Variants in ANK3 observed in about 807,000 individuals in gnomAD.
ANK3 encodes the protein ankyrin-3.
In ANK3, 57 loss-of-function variants were observed where a neutral mutation model predicts 370.9. That is an observed-to-expected ratio of 0.15 (90% CI 0.12 to 0.19). The LOEUF (loss-of-function observed/expected upper bound fraction) is 0.19. Ranked by LOEUF, ANK3 falls within the 10% of genes least tolerant of loss-of-function variation. The probability of loss-of-function intolerance (pLI) is 1.00; values close to 1 mark genes in which losing one functional copy is unlikely to be tolerated. For synonymous variants in ANK3, 1,929 were observed against 1,946.3 expected, an observed-to-expected ratio of 0.99 and a Z score of 0.23; for missense variants, 4,439 against 5,302.1, an observed-to-expected ratio of 0.84 and a Z score of 5.06.
intron 11 of ANK3, among the ~76,000 whole-genome samples, chr10:60,205,293 T>A (rs982178960): frequency 1.3e-5 from 2 of 152,316 alleles, no homozygotes; most frequent in Admixed American, 6.5e-5. Flanking sequence ...GTGCAGGGTT[T>A]CTCAACCTCA....
intron 43 of ANK3, among the ~76,000 whole-genome samples, chr10:60,036,890 A>AC (rs1290734516): frequency 6.6e-6 from 1 of 152,134 alleles, no homozygotes; most frequent in East Asian, 1.9e-4. Context: ...TTTTATATGC[A>AC]CAGCCCCAAC....
chr10:60,417,142 C>G (rs915090949), intron 2 of ANK3, among the ~76,000 whole-genome samples: 3 of 152,156 alleles, frequency 2.0e-5, no homozygotes, highest in Admixed American at 6.6e-5. Context: ...CTGCACAGTG[C>G]TGAACTGACA....
At chr10:60,399,191 C>T (rs1018440078) in intron 2 of ANK3, among the ~76,000 whole-genome samples, 4 of 152,004 alleles carry the variant, frequency 2.6e-5, no homozygotes, top group African/African-American at 7.3e-5. Context: ...ATTAAAAAAA[C>T]TAAACTTGGA....
At chr10:60,338,530 AG>A (rs142182950) in intron 1 of ANK3, among the ~76,000 whole-genome samples, 336 of 152,278 alleles carry the variant, frequency 2.2e-3, no homozygotes, top group African/African-American at 7.8e-3. Flanking sequence ...AGAATGCAGA[AG>A]GTCAACAGCA....
At chr10:60,711,394 AAAT>A (rs2079704519) in intron 1 of ANK3, among the ~76,000 whole-genome samples, 1 of 151,640 alleles carries the variant, frequency 6.6e-6, no homozygotes, top group Non-Finnish European at 1.5e-5. Flanking sequence ...ATAAATAAAT[AAAT>A]AAATAAAAAT....
At chr10:60,387,160 C>CA (rs554734732) in intron 1 of ANK3, among the ~76,000 whole-genome samples, 13,487 of 139,750 alleles carry the variant, frequency 0.097, 745 homozygotes, top group South Asian at 0.15. Flanking sequence ...GACTCCATCT[C>CA]AAAAAAAAAA....
intron 14 of ANK3, among the ~76,000 whole-genome samples, chr10:60,197,014 T>G (rs2096597324): frequency 6.6e-6 from 1 of 152,120 alleles, no homozygotes; most frequent in African/African-American, 2.4e-5. Context: ...AAGAATAAGT[T>G]ATAGGGTCCC....
chr10:60,107,119 TGATA>T (rs1424568373), intron 27 of ANK3, among the ~76,000 whole-genome samples: 2 of 152,176 alleles, frequency 1.3e-5, no homozygotes, highest in African/African-American at 4.8e-5. Context: ...CAAACGGGGA[TGATA>T]AATATGGTCA....
At position 60,678,288 on chromosome 10, in the gene ANK3, G is replaced by A. The variant is rs996647469; in HGVS notation, c.57+54975C>T. Among the ~76,000 whole-genome samples, 8 of 152,212 alleles carry A rather than the reference G, an allele frequency of 5.3e-5. No homozygotes were observed. The East Asian group carries it at 7.7e-4, about 15-fold the overall frequency. ...TGTCAGCTTAGTAAAATAGGTTATC[G>A]TATGCTGACTGTTGTATTGGCTTTA... On this transcript the variant is annotated intron_variant, in intron 1 of 43. Coordinates refer to the ANK3 transcript ENST00000373827.
chr10:60,064,754 T>C (rs959732287), intron 38 of ANK3, among the ~76,000 whole-genome samples: 3 of 152,132 alleles, frequency 2.0e-5, no homozygotes, highest in Non-Finnish European at 4.4e-5. Flanking sequence ...TGGTCCCAGC[T>C]ACTCAGGAGG....
chr10:60,525,873 T>A (rs1489780386), intron 2 of ANK3, among the ~76,000 whole-genome samples: 1 of 152,120 alleles, frequency 6.6e-6, no homozygotes, highest in African/African-American at 2.4e-5. Flanking sequence ...TCTGCGCAGA[T>A]GTGAAAGCTC....
At chr10:60,227,355 A>C (rs2097179104) in intron 8 of ANK3, among the ~76,000 whole-genome samples, 1 of 151,730 alleles carries the variant, frequency 6.6e-6, no homozygotes, top group Non-Finnish European at 1.5e-5. Flanking sequence ...TGGCTACTTA[A>C]ATTTTTTTCT....
intron 25 of ANK3, among the ~76,000 whole-genome samples, chr10:60,125,405 T>C (rs1360450115): frequency 6.6e-6 from 1 of 152,198 alleles, no homozygotes; most frequent in Non-Finnish European, 1.5e-5. Context: ...TACCAACTTC[T>C]CTGCCTTAAA....
intron 23 of ANK3, among the ~76,000 whole-genome samples, chr10:60,141,761 G>GA (rs950623745): frequency 6.6e-5 from 10 of 151,802 alleles, no homozygotes; most frequent in Admixed American, 2.6e-4. Context: ...AAAGTAGGGG[G>GA]AAAAATCTGT....
intron 1 of ANK3, among the ~76,000 whole-genome samples, chr10:60,691,587 G>A (rs1427825624): frequency 2.0e-5 from 3 of 152,130 alleles, no homozygotes; most frequent in Non-Finnish European, 4.4e-5. Flanking sequence ...GCCCTACAGA[G>A]GGGAGCCCCT....
chr10:60,311,567 T>C (rs1304083906), intron 1 of ANK3, among the ~76,000 whole-genome samples: 2 of 151,232 alleles, frequency 1.3e-5, no homozygotes, highest in Non-Finnish European at 2.9e-5. Context: ...GGGGGAAGAA[T>C]ACTTCCCTGT....
intron 1 of ANK3, among the ~76,000 whole-genome samples, chr10:60,363,048 C>T (rs1441531477): frequency 7.1e-6 from 1 of 141,274 alleles, no homozygotes; most frequent in African/African-American, 2.7e-5. Flanking sequence ...CTTACTTTTC[C>T]AGTCTCCCTT....
intron 25 of ANK3, 85 bp downstream of exon 25, chr10:60,134,186 A>G (rs1470258997): frequency 1.8e-6 from 2 of 1,104,682 alleles, no homozygotes; most frequent in Non-Finnish European, 2.6e-6. Context: ...GCAGAAATAT[A>G]TTTTTTGTCA....
intron 1 of ANK3, among the ~76,000 whole-genome samples, chr10:60,363,910 T>G (rs2059008933): frequency 6.6e-6 from 1 of 152,092 alleles, no homozygotes; most frequent in Admixed American, 6.5e-5. Context: ...TTAATTTATT[T>G]TTAAGCTAAC....
Sources: allele counts gnomAD v4.1 joint callset (sites outside exome capture counted in the v4.1 genomes callset), GRCh38; gene constraint gnomAD v4.1.1; transcripts MANE v1.5; gene names NCBI Gene and HGNC (gene_info 2026-07-23, HGNC 2026-07-21).